Variants in LCT observed in about 807,000 individuals in gnomAD.
LCT encodes the protein lactase, also known as lactase/phlorizin hydrolase.
In LCT, 90 loss-of-function variants were observed where a neutral mutation model predicts 173.0. The observed-to-expected ratio is 0.52, with a 90% confidence interval of 0.44 to 0.62. The LOEUF is 0.62. Among genes scored for constraint, LCT ranks in the 20% least tolerant of loss-of-function variants. The pLI is 0.00. For missense variants in LCT, 1,864 were observed against 2,431.4 expected (o/e 0.77, Z 4.91); for synonymous variants, 853 against 957.6 (o/e 0.89, Z 2.02).
chr2:135,794,619 G>A lies in LCT; in HGVS notation c.5111+22C>T, dbSNP rs527494590. On this transcript the variant is annotated intron_variant, in intron 14 of 16. Transcript: ENST00000264162. ...TCTGCCTTTTCCAGAGATGGCTCCG[G>A]GCTCCCTGTTGGTGGACTTACCTGT... 2.3e-5 allele frequency: 37 copies of A among 1,613,294 alleles called. No homozygotes were observed. The South Asian group carries it at 3.8e-4, about 17-fold the overall frequency.
At chr2:135,796,734 G>A (rs1176942215) in intron 13 of LCT, among the ~76,000 whole-genome samples, 3 of 152,148 alleles carry the variant, frequency 2.0e-5, no homozygotes, top group East Asian at 1.9e-4. Flanking sequence ...AGCTTGAGGA[G>A]CCGAATGGAA....
At position 135,812,482 on chromosome 2, in the gene LCT, C is replaced by T; in HGVS notation, c.2182G>A (p.Val728Met). ...PQTSSSWIRV[V>M]PWGIRRLLQF... The stretch of plus-strand genomic sequence containing the variant: ...AACAGCCTCCTTATCCCCCAGGGCA[C>T]CACACGAATCCAAGAGGATGAGGTC... Residue 728 changes from valine to methionine, a missense_variant, in exon 7 of 17, where the codon GTG (valine) becomes ATG (methionine). Around this residue, in one of 4 missense-constraint regions of LCT, gnomAD observed 755 missense variants for 926.3 expected, o/e 0.82. Transcript: ENST00000264162. The T allele has an allele frequency of 1.2e-6, 2 of 1,614,234 alleles. No individual in the cohort carries two copies. The highest frequency in any genetic ancestry group is 1.1e-5 in the South Asian group (1 of 91,086).
rs751919861 is a variant in LCT at position 135,822,029 on chromosome 2, G to C, written c.977C>G (p.Ser326Cys). Residue 326 changes from serine (S) to cysteine (C), a missense_variant, in exon 5 of 17, where the codon TCC becomes TGC. Physicochemically the swap from Ser to Cys is moderately radical, Grantham distance 112. This residue lies in a region of LCT where 412 missense variants were observed against 462.0 expected (regional missense o/e 0.89). Transcript: ENST00000264162. Reference sequence around the variant, plus strand: ...GGCAACCTGACATTACCTTTTCTTGGAACTTGATGAACAACTCAGAAACTC... The same window carrying C: ...GGCAACCTGACATTACCTTTTCTTGCAACTTGATGAACAACTCAGAAACTC... ...INEFLSCSSS[S>C]KKSMSCSLTG... 3.1e-6 allele frequency: 5 copies of C among 1,593,516 alleles called. No individual in the cohort carries two copies. In the South Asian group the frequency reaches 5.5e-5, roughly 18 times the overall value.
chr2:135,817,731 G>A lies in LCT; in HGVS notation c.1317C>T (p.Asp439=), dbSNP rs757477257. 1.4e-5 allele frequency: 23 copies of A among 1,613,948 alleles called. No homozygotes were observed. Among genetic ancestry groups the A allele is most frequent in the Admixed American group, 6.7e-5 (4 of 60,006 alleles). The change falls in exon 6 of 17, where the codon GAC becomes GAT. Residue 439 remains aspartate, a synonymous_variant. Transcript: ENST00000264162. ...CCCGGAGGCCGCAAAGCAGGGCGAC[G>A]TCAGAGGCTACCTTGTGGTAACTGT... ...ASDSYHKVAS[D]VALLCGLRAQ... is the part of the protein sequence containing the mutation.
At chr2:135,799,157 TC>T (rs1013963783) in intron 12 of LCT, among the ~76,000 whole-genome samples, 4 of 152,180 alleles carry the variant, frequency 2.6e-5, no homozygotes, top group Admixed American at 1.3e-4. Context: ...ATTAAGCCCT[TC>T]GTTGCATTTA....
At chr2:135,792,491 G>C (rs1441524614) in intron 14 of LCT, among the ~76,000 whole-genome samples, 1 of 152,252 alleles carries the variant, frequency 6.6e-6, no homozygotes, top group Non-Finnish European at 1.5e-5. Flanking sequence ...AGCCCTGTTT[G>C]CTTTCTCAGA....
In LCT at chr2:135,805,047, G is replaced by A. The variant is rs2077658672; in HGVS notation, c.4184C>T (p.Ala1395Val). Residue 1395 changes from alanine (A) to valine (V), a missense_variant, in exon 10 of 17, where the codon GCG becomes GTG. Transcript: ENST00000264162. ...GAGTCCTTTGCCATCTGCTCTCCAC[G>A]CACCTTCAATCTCAAGATGACAAGA... ...AASAAYQIEG[A>V]WRADGKGLSI... 1 of 1,614,018 alleles carries A rather than the reference G, an allele frequency of 6.2e-7. No homozygotes were observed. Among genetic ancestry groups the A allele is most frequent in the Non-Finnish European group, 8.5e-7 (1 of 1,179,934 alleles).
At chr2:135,811,682 C>A (rs1389524973) in intron 7 of LCT, among the ~76,000 whole-genome samples, 71 of 120,218 alleles carry the variant, frequency 5.9e-4, no homozygotes, top group African/African-American at 1.9e-3. Context: ...GTCTATGTGA[C>A]AAAGCAAGAC....
In LCT at chr2:135,790,380, G is replaced by A. The variant is rs1159978697; in HGVS notation, c.5335+278C>T. Reference sequence around the variant, plus strand: ...CCCAGACCATTCTCAGGAGGGCACTGCTGTTCCGACATCAGGGAGGATCAA... The same window carrying A: ...CCCAGACCATTCTCAGGAGGGCACTACTGTTCCGACATCAGGGAGGATCAA... On this transcript the variant is annotated intron_variant, in intron 15 of 16. Transcript: ENST00000264162. The surrounding 1 kb of genome is among the most constrained non-coding windows in gnomAD (Gnocchi z 4.1). 1.3e-5 allele frequency among the ~76,000 whole-genome samples: 2 copies of A among 152,182 alleles called. No homozygotes were observed. The highest frequency in any genetic ancestry group is 2.9e-5 in the Non-Finnish European group (2 of 68,036).
At position 135,808,768 on chromosome 2, in the gene LCT, C is replaced by T. The variant is rs2077700791; in HGVS notation, c.3579G>A (p.Glu1193=). The T allele has an allele frequency of 6.2e-7, 1 of 1,614,058 alleles. No individual in the cohort carries two copies. The change falls in exon 8 of 17, where the codon GAG becomes GAA. Residue 1193 remains glutamate (E), a synonymous_variant. Transcript: ENST00000264162. ...CGGCCGTCGCCCTGATGAACCTCTTCTCTTCCTCAGTGAAGCTTGGCAGGC... is the reference window on the plus strand; with the variant it reads ...CGGCCGTCGCCCTGATGAACCTCTTTTCTTCCTCAGTGAAGCTTGGCAGGC... ...TSRLPSFTEE[E]KRFIRATADV...
At chr2:135,807,602 A>G (rs2077688137) in intron 8 of LCT, among the ~76,000 whole-genome samples, 2 of 152,128 alleles carry the variant, frequency 1.3e-5, no homozygotes, top group African/African-American at 4.8e-5. Flanking sequence ...ATCATCTCCA[A>G]ATCAAATTCT....
intron 13 of LCT, among the ~76,000 whole-genome samples, chr2:135,795,314 TC>T (rs967743315): frequency 5.9e-5 from 9 of 151,804 alleles, no homozygotes; most frequent in African/African-American, 2.2e-4. Flanking sequence ...TTCAAGTGAT[TC>T]TCCTGCCTCA....
At chr2:135,819,806 C>T (rs1255400469) in intron 5 of LCT, among the ~76,000 whole-genome samples, 2 of 152,182 alleles carry the variant, frequency 1.3e-5, no homozygotes, top group East Asian at 1.9e-4. Flanking sequence ...ACACAGCGTC[C>T]GCTGCTCCGA....
chr2:135,820,943 C>A (rs576377754), intron 5 of LCT, among the ~76,000 whole-genome samples: 20 of 151,746 alleles, frequency 1.3e-4, no homozygotes, highest in African/African-American at 4.8e-4. Flanking sequence ...TGCAATGGCG[C>A]GATCTCAGCT....
Position 135,795,919 on chromosome 2 carries a change from C to T in LCT, c.4977-1144G>A, listed in dbSNP as rs189778351. Among the ~76,000 whole-genome samples, 149 of 151,986 alleles carry T rather than the reference C, an allele frequency of 9.8e-4. 1 individual carries two copies. The highest frequency in any genetic ancestry group is 3.5e-3 in the African/African-American group (145 of 41,430). On this transcript the variant is annotated intron_variant, in intron 13 of 16. Coordinates refer to ENST00000264162, the MANE Select transcript of LCT (RefSeq NM_002299.4). ...GGGAATATAGGTGTGCGTCACCATG[C>T]CTAGATAATTTTTAAATTTTTTGTA...
At position 135,793,956 on chromosome 2, in the gene LCT, G is replaced by A. The variant is rs533938179; in HGVS notation, c.5111+685C>T. On this transcript the variant is annotated intron_variant, in intron 14 of 16. Transcript: ENST00000264162. Reference sequence around the variant, plus strand: ...ATTCTGGCCAACATGATGAAACCCCGTCTCTGCTAAAATACAAAAAAAAAA... The same window carrying A: ...ATTCTGGCCAACATGATGAAACCCCATCTCTGCTAAAATACAAAAAAAAAA... Among the ~76,000 whole-genome samples, 6 of 135,074 alleles carry A rather than the reference G, an allele frequency of 4.4e-5. No individual in the cohort carries two copies. The East Asian group carries it at 1.3e-3, about 29-fold the overall frequency. 88.6% of individuals were successfully genotyped at this position (135,074 alleles called of 152,430 possible). A position where few individuals can be genotyped will look rare whatever the true frequency, so the allele number is the denominator to read the frequency against.
intron 11 of LCT, 23 bp from the exon 12 acceptor site, chr2:135,800,832 C>G (rs777935867): frequency 6.4e-7 from 1 of 1,564,994 alleles, no homozygotes; most frequent in South Asian, 1.1e-5. Context: ...ACATGGATGT[C>G]AACAGAGAAT....
At position 135,812,542 on chromosome 2, in the gene LCT, C is replaced by T. The variant is rs139839977; in HGVS notation, c.2122G>A (p.Gly708Ser). 10 of 1,614,078 alleles carry T rather than the reference C, an allele frequency of 6.2e-6. No individual in the cohort carries two copies. The African/African-American group carries it at 1.3e-4, about 22-fold the overall frequency. Residue 708 changes from glycine to serine, a missense_variant, in exon 7 of 17, where the codon GGC becomes AGC. Around this residue, in one of 4 missense-constraint regions of LCT, gnomAD observed 755 missense variants for 926.3 expected, o/e 0.82. Coordinates refer to ENST00000264162, the MANE Select transcript of LCT (RefSeq NM_002299.4). ...ACATGGTTCACGTGTTGGGAGAAGC[C>T]TCCAATGGTATCATAGCTAGGGATG... The part of the protein sequence containing the change: ...TCIPSYDTIG[G>S]FSQHVNHVWP...
intron 9 of LCT, among the ~76,000 whole-genome samples, chr2:135,806,367 G>A (rs2077671152): frequency 6.6e-6 from 1 of 152,180 alleles, no homozygotes; most frequent in South Asian, 2.1e-4. Flanking sequence ...GTTACAGTAA[G>A]CTAAGGTTAA....
Sources: gnomAD v4.1 joint callset for allele counts (sites outside exome capture counted in the v4.1 genomes callset) on GRCh38, gnomAD v4.1.1 for gene constraint, gnomAD v4.1.1 regional missense constraint, Gnocchi (gnomAD v3.1) non-coding constraint, MANE v1.5 for transcripts, NCBI Gene and HGNC (gene_info 2026-07-23, HGNC 2026-07-21) for gene names.